STPG2: variants seen among roughly 807,000 people sequenced by gnomAD.
STPG2 encodes the protein sperm tail PG-rich repeat containing 2, also known as sperm-tail PG-rich repeat-containing protein 2.
In STPG2, 56 loss-of-function variants were observed where a neutral mutation model predicts 54.2. That is an observed-to-expected ratio of 1.03 (90% confidence interval 0.83 to 1.29). The LOEUF (loss-of-function observed/expected upper bound fraction) is 1.29, where lower values mean the gene tolerates loss of function less well. STPG2 is among the 50% of genes most tolerant of loss of function. The probability of loss-of-function intolerance (pLI) is 0.00; values close to 1 mark genes in which losing one functional copy is unlikely to be tolerated. For missense variants in STPG2, 596 were observed against 544.9 expected, an observed-to-expected ratio of 1.09 and a Z score of -0.93; for synonymous variants, 200 against 181.8, an observed-to-expected ratio of 1.10 and a Z score of -0.81.
intron 10 of STPG2, among the ~76,000 whole-genome samples, chr4:97,616,340 G>C (rs1438492273): frequency 6.6e-6 from 1 of 151,552 alleles, no homozygotes; most frequent in Non-Finnish European, 1.5e-5. Flanking sequence ...AGGAAAGAAT[G>C]GGATCAATAC....
chr4:97,567,638 C>A (rs868412079), intron 10 of STPG2, among the ~76,000 whole-genome samples: 5 of 151,838 alleles, frequency 3.3e-5, no homozygotes, highest in African/African-American at 1.2e-4. Context: ...TGGATTTACA[C>A]ATTGAAGTTC....
intron 5 of STPG2, among the ~76,000 whole-genome samples, chr4:98,039,674 T>C (rs943116636): frequency 7.9e-5 from 10 of 126,386 alleles, no homozygotes; most frequent in Non-Finnish European, 1.4e-4. Context: ...TAAAATTACA[T>C]ATGTGATACA....
At chr4:97,588,115 C>T (rs965484223) in intron 10 of STPG2, among the ~76,000 whole-genome samples, 2 of 151,930 alleles carry the variant, frequency 1.3e-5, no homozygotes, top group African/African-American at 2.4e-5. Flanking sequence ...TGGTGACTCA[C>T]GCCTATAATC....
intron 4 of STPG2, among the ~76,000 whole-genome samples, chr4:97,472,889 G>T (rs1276897014): frequency 6.6e-6 from 1 of 152,194 alleles, no homozygotes; most frequent in Non-Finnish European, 1.5e-5. Context: ...AACATAGATT[G>T]TGAAAGATTT....
At chr4:97,576,573 C>T (rs940470366) in intron 10 of STPG2, among the ~76,000 whole-genome samples, 4 of 152,036 alleles carry the variant, frequency 2.6e-5, no homozygotes, top group South Asian at 2.1e-4. Context: ...TCGACCTCTA[C>T]ATATCATCTA....
chr4:97,531,234 GGA>G (rs1353978685), intron 4 of STPG2, among the ~76,000 whole-genome samples: 13 of 152,138 alleles, frequency 8.5e-5, no homozygotes, highest in Non-Finnish European at 1.8e-4. Flanking sequence ...TGGAGAAAAG[GGA>G]ACACTTGGAC....
rs1315392460 is a variant in STPG2, at chr4:97,840,915, G to T, written c.1062C>A (p.Gly354=). 1.2e-6 allele frequency: 2 copies of T among 1,610,972 alleles called. No homozygotes were observed. Among genetic ancestry groups the T allele is most frequent in the East Asian group, 2.2e-5 (1 of 44,760 alleles). The stretch of plus-strand genomic sequence containing the variant: ...CATATGATTTGTGAACATCATAGCT[G>T]CCTGGCGCTGGAATAACCTGAAAAA... ...KVPDMVIPAP[G]SYDVHKSYEM... Residue 354 remains glycine (G), a synonymous_variant, in exon 9 of 11, where the codon GGC becomes GGA. Coordinates refer to ENST00000295268, the MANE Select transcript of STPG2 (RefSeq NM_174952.3).
At chr4:97,832,096 T>C (rs753005534) in intron 9 of STPG2, among the ~76,000 whole-genome samples, 2 of 152,166 alleles carry the variant, frequency 1.3e-5, no homozygotes, top group African/African-American at 4.8e-5. Context: ...ATATCCCTGA[T>C]AAACATTGAT....
intron 10 of STPG2, among the ~76,000 whole-genome samples, chr4:97,623,751 C>T (rs1303290142): frequency 6.6e-6 from 1 of 152,062 alleles, no homozygotes; most frequent in African/African-American, 2.4e-5. Flanking sequence ...GTATTAAGCC[C>T]AGCATGCATA....
intron 10 of STPG2, among the ~76,000 whole-genome samples, chr4:97,605,860 T>C (rs1411716759): frequency 6.6e-6 from 1 of 151,478 alleles, no homozygotes; most frequent in Non-Finnish European, 1.5e-5. Flanking sequence ...ACAAACCCAC[T>C]ACAAGTTCCT....
At chr4:97,479,082 T>A (rs1024788159) in intron 4 of STPG2, among the ~76,000 whole-genome samples, 38 of 151,634 alleles carry the variant, frequency 2.5e-4, no homozygotes, top group Non-Finnish European at 7.4e-5. Flanking sequence ...AAACAAAAAA[T>A]TTGAAACTAT....
intron 8 of STPG2, among the ~76,000 whole-genome samples, chr4:97,919,837 C>A (rs548188699): frequency 6.6e-6 from 1 of 152,264 alleles, no homozygotes; most frequent in Non-Finnish European, 1.5e-5. Context: ...ACCCCCAAAC[C>A]TATAAAAGGT....
At chr4:98,026,163 A>C (rs553413633) in intron 5 of STPG2, 2 of 1,423,226 alleles carry the variant, frequency 1.4e-6, no homozygotes, top group African/African-American at 1.4e-5. Flanking sequence ...GAAGTTAAAA[A>C]GAGGTGGAAT....
intron 10 of STPG2, among the ~76,000 whole-genome samples, chr4:97,636,493 G>A (rs1282419531): frequency 4.1e-5 from 6 of 146,090 alleles, no homozygotes; most frequent in East Asian, 1.9e-4. Context: ...ACTAAAATCC[G>A]AGCAGAACTG....
intron 7 of STPG2, among the ~76,000 whole-genome samples, chr4:97,956,221 T>C (rs769470104): frequency 1.6e-4 from 25 of 152,310 alleles, no homozygotes; most frequent in Non-Finnish European, 2.4e-4. Context: ...TCATCCTTCT[T>C]ATTGGATTGC....
chr4:98,025,704 G>T (rs1439447984), intron 5 of STPG2: 1 of 1,357,658 alleles, frequency 7.4e-7, no homozygotes. Context: ...CTGCTGGCCT[G>T]CAGGCTACTC....
At chr4:97,478,585 T>C (rs1730136153) in intron 4 of STPG2, among the ~76,000 whole-genome samples, 1 of 152,132 alleles carries the variant, frequency 6.6e-6, no homozygotes. Flanking sequence ...CTCTAAATTA[T>C]GTAGATTGTT....
At chr4:97,551,084 CTGCTGATTGGTCCATTTTACAGAG>C (rs1731956334) in intron 4 of STPG2, among the ~76,000 whole-genome samples, 1 of 152,128 alleles carries the variant, frequency 6.6e-6, no homozygotes, top group African/African-American at 2.4e-5. Context: ...TGCCCACATC[CTGCTGATTGGTCCATTTTACAGAG>C]TGCTGATTGG....
chr4:97,483,435 G>C (rs1448686968), intron 4 of STPG2, among the ~76,000 whole-genome samples: 3 of 151,742 alleles, frequency 2.0e-5, no homozygotes, highest in Admixed American at 2.0e-4. Context: ...TCTTATGTAA[G>C]AGAAAACAAA....
Sources: allele counts gnomAD v4.1 joint callset (sites outside exome capture counted in the v4.1 genomes callset), GRCh38; gene constraint gnomAD v4.1.1; transcripts MANE v1.5; gene names NCBI Gene and HGNC (gene_info 2026-07-23, HGNC 2026-07-21).